WASF3: variants seen among roughly 807,000 people sequenced by gnomAD.
WASF3 encodes the protein WASP family member 3.
WASF3 carries 11 observed loss-of-function variants against 46.6 expected under a neutral mutation model. The ratio of observed to expected loss-of-function variants is 0.24; its 90% CI spans 0.15 to 0.39. WASF3 has a LOEUF of 0.39. WASF3 is among the 10% of genes least tolerant of loss of function. The pLI, the probability that WASF3 is intolerant of heterozygous loss-of-function variation, is 1.00. For synonymous variants in WASF3, 242 were observed against 259.7 expected, an observed-to-expected ratio of 0.93 and a Z score of 0.65; for missense variants, 576 against 669.8, an observed-to-expected ratio of 0.86 and a Z score of 1.55.
intron 1 of WASF3, among the ~76,000 whole-genome samples, chr13:26,592,457 A>G (rs1215256274): frequency 6.6e-6 from 1 of 152,176 alleles, no homozygotes; most frequent in Admixed American, 6.5e-5. Flanking sequence ...CCACGAACAC[A>G]GTTCCAGCAG....
intron 2 of WASF3, among the ~76,000 whole-genome samples, chr13:26,634,905 T>C (rs1881771646): frequency 6.6e-6 from 1 of 152,226 alleles, no homozygotes; most frequent in Non-Finnish European, 1.5e-5. Flanking sequence ...CCTTTCTCTC[T>C]GGCTGCCTTT....
intron 3 of WASF3, 152 bp downstream of exon 3, chr13:26,642,555 A>C (rs1302181842): frequency 1.1e-6 from 1 of 943,544 alleles, no homozygotes; most frequent in African/African-American, 1.7e-5. Context: ...TGACCACTGC[A>C]CCTGTACTGG....
chr13:26,588,975 G>A (rs1462120482), intron 1 of WASF3, among the ~76,000 whole-genome samples: 1 of 151,590 alleles, frequency 6.6e-6, no homozygotes, highest in Non-Finnish European at 1.5e-5. Context: ...TTTTTTTTTG[G>A]TAGAGATGGC....
chr13:26,566,757 G>T (rs1879476220), intron 1 of WASF3, among the ~76,000 whole-genome samples: 1 of 152,146 alleles, frequency 6.6e-6, no homozygotes, highest in Middle Eastern at 3.2e-3. Flanking sequence ...ACTCAGACAT[G>T]GCCTCTCTTA....
chr13:26,549,837 G>A, the WASF3 span, among the ~76,000 whole-genome samples: 2 of 152,202 alleles, frequency 1.3e-5, no homozygotes, highest in Non-Finnish European at 2.9e-5. Context: ...TGGTTGAGGA[G>A]AATGTTTGAT....
At chr13:26,594,415 G>A (rs1224460888) in intron 1 of WASF3, among the ~76,000 whole-genome samples, 1 of 152,126 alleles carries the variant, frequency 6.6e-6, no homozygotes, top group Non-Finnish European at 1.5e-5. Context: ...AATCTTTTCA[G>A]CACTCAAGCT....
intron 2 of WASF3, among the ~76,000 whole-genome samples, chr13:26,623,087 A>G (rs940601634): frequency 6.6e-6 from 1 of 152,204 alleles, no homozygotes; most frequent in African/African-American, 2.4e-5. Flanking sequence ...GAAGTGCATA[A>G]GAAGAATTCA....
intron 3 of WASF3, among the ~76,000 whole-genome samples, chr13:26,662,867 TCATACACATACA>T (rs59001910): frequency 5.3e-4 from 80 of 151,376 alleles, no homozygotes; most frequent in Middle Eastern, 3.4e-3. Flanking sequence ...GCCCTCTGTG[TCATACACATACA>T]CATACACATA....
chr13:26,630,776 A>G (rs955608436), intron 2 of WASF3, among the ~76,000 whole-genome samples: 1 of 152,170 alleles, frequency 6.6e-6, no homozygotes, highest in Non-Finnish European at 1.5e-5. Context: ...ACTCCCACCA[A>G]CAGTGTAAAA....
intron 9 of WASF3, 145 bp from the exon 10 acceptor site, chr13:26,685,543 C>T: frequency 2.1e-6 from 2 of 935,742 alleles, no homozygotes; most frequent in South Asian, 4.0e-5. Flanking sequence ...TTTAATATTC[C>T]CTGAGCTTTT....
At chr13:26,603,017 C>T (rs148477005) in intron 1 of WASF3, among the ~76,000 whole-genome samples, 1 of 152,124 alleles carries the variant, frequency 6.6e-6, no homozygotes, top group Admixed American at 6.6e-5. Context: ...TATTTGTCAC[C>T]TGATTTTTAA....
chr13:26,576,999 G>A (rs1013128442), intron 1 of WASF3: 6 of 712,562 alleles, frequency 8.4e-6, no homozygotes, highest in Non-Finnish European at 1.5e-5. Context: ...CACCTTCTGT[G>A]TTCAATATAA....
the WASF3 span, among the ~76,000 whole-genome samples, chr13:26,549,879 C>T: frequency 6.6e-6 from 1 of 152,136 alleles, no homozygotes; most frequent in East Asian, 1.9e-4. Flanking sequence ...TAGCATCACT[C>T]TGGGAGTTAT....
chr13:26,682,736 C>A lies in WASF3; in HGVS notation c.1113C>A (p.Phe371Leu). The change falls in exon 9 of 10, where the codon TTC becomes TTA. Residue 371 changes from phenylalanine (F) to leucine (L), a missense_variant. Coordinates refer to ENST00000335327, the MANE Select transcript of WASF3 (RefSeq NM_006646.6). This position sits in a 1 kb window ranked among gnomAD's most constrained non-coding sequence, Gnocchi z 4.4. Reference sequence around the variant, plus strand: ...TCCAGATGCCCATGCAGCCCCCGTTCCCTGCATCAGCCAGCTCCACGCACG... The same window carrying A: ...TCCAGATGCCCATGCAGCCCCCGTTACCTGCATCAGCCAGCTCCACGCACG... ...SPLQMPMQPP[F>L]PASASSTHAA... is the part of the protein sequence containing the mutation. The A allele has an allele frequency of 3.1e-6, 5 of 1,613,906 alleles. No individual in the cohort carries two copies. Among genetic ancestry groups the A allele is most frequent in the Non-Finnish European group, 4.2e-6 (5 of 1,180,024 alleles).
At chr13:26,541,498 T>A in the WASF3 span, among the ~76,000 whole-genome samples, 3 of 152,190 alleles carry the variant, frequency 2.0e-5, no homozygotes, top group Non-Finnish European at 4.4e-5. Flanking sequence ...AGCACTTAAG[T>A]GGTGCCTGGT....
the WASF3 span, among the ~76,000 whole-genome samples, chr13:26,550,399 A>G: frequency 6.3e-3 from 963 of 152,304 alleles, 14 homozygotes; most frequent in African/African-American, 0.022. Flanking sequence ...TGAAGGGAAC[A>G]GATCTTATAC....
chr13:26,685,773 C>G lies in WASF3; in HGVS notation c.1437C>G (p.Ser479=), dbSNP rs1335007525. The change falls in exon 10 of 10, where the codon TCC becomes TCG. Residue 479 remains serine, a synonymous_variant. Coordinates refer to ENST00000335327, the MANE Select transcript of WASF3 (RefSeq NM_006646.6). ...GGAATGACGTGGCCACGATCCTGTCCCGGCGCATTGCCGTGGAGTACAGCG... is the reference window on the plus strand; with the variant it reads ...GGAATGACGTGGCCACGATCCTGTCGCGGCGCATTGCCGTGGAGTACAGCG... ...PVGNDVATIL[S]RRIAVEYSDS... 4 of 1,614,066 alleles carry G rather than the reference C, an allele frequency of 2.5e-6. No homozygotes were observed. The South Asian group carries it at 4.4e-5, about 18-fold the overall frequency.
intron 2 of WASF3, among the ~76,000 whole-genome samples, chr13:26,630,319 C>T (rs763790385): frequency 6.6e-6 from 1 of 152,074 alleles, no homozygotes. Context: ...AGCCCCCCAA[C>T]CCCCAACAGG....
intron 1 of WASF3, among the ~76,000 whole-genome samples, chr13:26,601,683 G>C (rs1384616919): frequency 6.6e-6 from 1 of 152,214 alleles, no homozygotes; most frequent in Non-Finnish European, 1.5e-5. Flanking sequence ...CTACATTCCT[G>C]TACCCTTTCA....
Sources: gnomAD v4.1 joint callset for allele counts (sites outside exome capture counted in the v4.1 genomes callset) on GRCh38, gnomAD v4.1.1 for gene constraint, Gnocchi (gnomAD v3.1) non-coding constraint, MANE v1.5 for transcripts, NCBI Gene and HGNC (gene_info 2026-07-23, HGNC 2026-07-21) for gene names.